Variants in KCNQ5 observed in about 807,000 individuals in gnomAD.
KCNQ5 encodes potassium voltage-gated channel subfamily KQT member 5.
In KCNQ5, 30 loss-of-function variants were observed where a neutral mutation model predicts 98.2. The observed-to-expected ratio is 0.31, with a 90% CI of 0.23 to 0.41. The LOEUF (loss-of-function observed/expected upper bound fraction) is 0.41. KCNQ5 is among the 10% of genes least tolerant of loss of function. The pLI, the probability that KCNQ5 is intolerant of heterozygous loss-of-function variation, is 1.00. For missense variants in KCNQ5, 835 were observed against 1,182.5 expected (o/e 0.71, Z 4.31); for synonymous variants, 458 against 449.4 (o/e 1.02, Z -0.24).
chr6:73,119,795 C>T (rs1562190109), intron 7 of KCNQ5, among the ~76,000 whole-genome samples: 1 of 133,138 alleles, frequency 7.5e-6, no homozygotes, highest in African/African-American at 4.2e-5. Context: ...ATGCTCAAGT[C>T]GCTCACCTAA....
rs562397778 is a variant in KCNQ5 at position 73,169,913 on chromosome 6, T to C, written c.1577+59T>C. On this transcript the variant is annotated intron_variant, in intron 11 of 13. Transcript: ENST00000370398. ...ACATACTTATGATTAATTGAATTAC[T>C]ATGTTGCTAAGTTCTTTTTCTGCAG... 22 of 1,127,766 alleles carry C rather than the reference T, an allele frequency of 2.0e-5. No homozygotes were observed. The South Asian group carries it at 2.4e-4, about 12-fold the overall frequency. 69.9% of individuals were successfully genotyped at this position (1,127,766 alleles called of 1,614,324 possible).
intron 1 of KCNQ5, among the ~76,000 whole-genome samples, chr6:72,644,409 C>T (rs78874607): frequency 3.4e-3 from 520 of 152,234 alleles, no homozygotes; most frequent in African/African-American, 0.011. Flanking sequence ...GCTAGATCAC[C>T]CTTCAGTCTG....
At chr6:72,908,226 A>T (rs186714171) in intron 1 of KCNQ5, among the ~76,000 whole-genome samples, 2 of 152,180 alleles carry the variant, frequency 1.3e-5, no homozygotes, top group East Asian at 3.9e-4. Flanking sequence ...ACATGGGGAG[A>T]TGTACACCAA....
At chr6:72,910,921 A>T (rs1779917248) in intron 1 of KCNQ5, among the ~76,000 whole-genome samples, 1 of 152,156 alleles carries the variant, frequency 6.6e-6, no homozygotes, top group Non-Finnish European at 1.5e-5. Context: ...GTTGTTTTAG[A>T]CACTTGCAAG....
chr6:72,938,352 A>G (rs1280649507), intron 1 of KCNQ5, among the ~76,000 whole-genome samples: 1 of 152,090 alleles, frequency 6.6e-6, no homozygotes, highest in Non-Finnish European at 1.5e-5. Flanking sequence ...AATTCTGTAA[A>G]TGTACTAATA....
chr6:73,155,731 C>T (rs1283925803), intron 10 of KCNQ5, among the ~76,000 whole-genome samples: 1 of 152,132 alleles, frequency 6.6e-6, no homozygotes, highest in Non-Finnish European at 1.5e-5. Context: ...GTTAAAACCA[C>T]AGGTGAATTT....
chr6:72,921,147 T>G (rs1230496159), intron 1 of KCNQ5, among the ~76,000 whole-genome samples: 1 of 152,148 alleles, frequency 6.6e-6, no homozygotes, highest in East Asian at 1.9e-4. Context: ...ATATTAAGAT[T>G]GATCTCATAA....
At chr6:73,009,132 C>T (rs1769946530) in intron 2 of KCNQ5, among the ~76,000 whole-genome samples, 1 of 152,036 alleles carries the variant, frequency 6.6e-6, no homozygotes, top group African/African-American at 2.4e-5. Context: ...GCTGGGACTA[C>T]AGGCACGCAC....
At chr6:73,060,873 T>A (rs1369419961) in intron 3 of KCNQ5, among the ~76,000 whole-genome samples, 1 of 152,184 alleles carries the variant, frequency 6.6e-6, no homozygotes, top group Non-Finnish European at 1.5e-5. Flanking sequence ...ACTTTATTGA[T>A]GAGACTGCAA....
At chr6:73,144,057 A>G (rs993635182) in intron 10 of KCNQ5, among the ~76,000 whole-genome samples, 4 of 152,146 alleles carry the variant, frequency 2.6e-5, no homozygotes, top group Non-Finnish European at 5.9e-5. Flanking sequence ...ACACAATTTT[A>G]AAATTATATT....
chr6:72,965,591 C>G (rs1291938631), intron 1 of KCNQ5, among the ~76,000 whole-genome samples: 1 of 152,104 alleles, frequency 6.6e-6, no homozygotes, highest in Non-Finnish European at 1.5e-5. Flanking sequence ...GTCATCTGAG[C>G]AGATGTTCTT....
At chr6:72,623,427 T>TGTGTGTGTGTGTGTGTGTGTG (rs3057126) in intron 1 of KCNQ5, among the ~76,000 whole-genome samples, 2 of 151,128 alleles carry the variant, frequency 1.3e-5, no homozygotes, top group Admixed American at 6.6e-5. Context: ...TGTGTGTGTG[T>TGTGTGTGTGTGTGTGTGTGTG]AGTAAGCCTT....
chr6:72,924,843 G>A (rs1780557732), intron 1 of KCNQ5, among the ~76,000 whole-genome samples: 1 of 152,164 alleles, frequency 6.6e-6, no homozygotes, highest in Non-Finnish European at 1.5e-5. Context: ...AGATAGTGAG[G>A]GACCTCTGGC....
chr6:72,937,594 C>T (rs1450333562), intron 1 of KCNQ5, among the ~76,000 whole-genome samples: 1 of 152,070 alleles, frequency 6.6e-6, no homozygotes, highest in African/African-American at 2.4e-5. Flanking sequence ...TATGTAAAAG[C>T]AGGTGGATTG....
chr6:72,814,773 C>T (rs10943066), intron 1 of KCNQ5, among the ~76,000 whole-genome samples: 26,334 of 152,098 alleles, frequency 0.17, 2,894 homozygotes, highest in South Asian at 0.37. Flanking sequence ...CCAATCCAGG[C>T]CACAGTGACA....
chr6:72,657,659 A>T (rs991816397), intron 1 of KCNQ5, among the ~76,000 whole-genome samples: 3 of 152,168 alleles, frequency 2.0e-5, no homozygotes, highest in South Asian at 2.1e-4. Flanking sequence ...AGACTATAAA[A>T]TTTTTTTCCT....
At chr6:72,678,937 A>T (rs1767557337) in intron 1 of KCNQ5, among the ~76,000 whole-genome samples, 1 of 152,234 alleles carries the variant, frequency 6.6e-6, no homozygotes, top group Non-Finnish European at 1.5e-5. Flanking sequence ...AAATGAAAGA[A>T]TCTTCAAAGC....
intron 1 of KCNQ5, among the ~76,000 whole-genome samples, chr6:72,755,689 A>G (rs1300374836): frequency 6.6e-6 from 1 of 152,192 alleles, no homozygotes; most frequent in East Asian, 1.9e-4. Context: ...TAAGCCTCAC[A>G]ATACATTGTA....
At position 73,194,813 on chromosome 6, in the gene KCNQ5, C is replaced by T. The variant is rs1192831667; in HGVS notation, c.2198C>T (p.Ala733Val). 6.2e-7 allele frequency: 1 copy of T among 1,614,186 alleles called. No homozygotes were observed. The highest frequency in any genetic ancestry group is 1.7e-5 in the Admixed American group (1 of 60,016). Reference protein sequence around the residue: ...GSAVAATNTIANQINTAPKPA... With the variant: ...GSAVAATNTIVNQINTAPKPA... ...GCAGTGGCAGCCACCAACACCATTGCAAACCAAATAAATACGGCACCCAAG... is the reference window on the plus strand; with the variant it reads ...GCAGTGGCAGCCACCAACACCATTGTAAACCAAATAAATACGGCACCCAAG... Residue 733 changes from alanine to valine, a missense_variant, in exon 14 of 14, where the codon GCA (alanine) becomes GTA (valine). Around this residue, in one of 10 missense-constraint regions of KCNQ5, gnomAD observed 416 missense variants for 446.9 expected, o/e 0.93. Coordinates refer to ENST00000370398, the MANE Select transcript of KCNQ5 (RefSeq NM_019842.4).
Sources: gnomAD v4.1 joint callset for allele counts (sites outside exome capture counted in the v4.1 genomes callset) on GRCh38, gnomAD v4.1.1 for gene constraint, gnomAD v4.1.1 regional missense constraint, MANE v1.5 for transcripts, NCBI Gene and HGNC (gene_info 2026-07-23, HGNC 2026-07-21) for gene names.